Variants in CENPV observed in about 807,000 individuals in gnomAD.
The protein encoded by CENPV is nuclear protein p30.
In CENPV, 15 loss-of-function variants were observed where a neutral mutation model predicts 26.4. That is an observed-to-expected ratio of 0.57 (90% confidence interval 0.38 to 0.88). The LOEUF is 0.88. Ranked by LOEUF, CENPV falls within the 40% of genes least tolerant of loss-of-function variation. The probability of loss-of-function intolerance (pLI) is 0.00; values close to 1 mark genes in which losing one functional copy is unlikely to be tolerated. For synonymous variants in CENPV, 172 were observed against 165.5 expected (o/e 1.04, Z -0.30); for missense variants, 336 against 376.5 (o/e 0.89, Z 0.89).
Position 16,349,951 on chromosome 17 carries a change from G to T in CENPV, c.489C>A (p.Asp163Glu). 6.2e-7 allele frequency: 1 copy of T among 1,613,788 alleles called. No individual in the cohort carries two copies. Among genetic ancestry groups the T allele is most frequent in the Non-Finnish European group, 8.5e-7 (1 of 1,179,926 alleles). Reference protein sequence around the residue: ...AVRFEVWASADLHIFDCNCSI... With the variant: ...AVRFEVWASAELHIFDCNCSI... The stretch of plus-strand genomic sequence containing the variant: ...CTCACTTGCAGTCAAATATATGCAA[G>T]TCTGCTGAGGCCCAAACTTCAAAAC... The change falls in exon 2 of 5, where the codon GAC becomes GAA. Residue 163 changes from aspartate to glutamate, a missense_variant. By Grantham distance (45) the Asp-to-Glu change is conservative. Around this residue, in one of 2 missense-constraint regions of CENPV, gnomAD observed 155 missense variants for 227.8 expected, o/e 0.68. Coordinates refer to ENST00000299736, the MANE Select transcript of CENPV (RefSeq NM_181716.3).
intron 2 of CENPV, 181 bp downstream of exon 2, chr17:16,349,750 G>A (rs1189871857): frequency 2.1e-6 from 3 of 1,404,318 alleles, no homozygotes; most frequent in Admixed American, 3.1e-5. Flanking sequence ...GCTCTGTGAT[G>A]AGCCATATAA....
chr17:16,346,997 T>C (rs932873937), intron 3 of CENPV, among the ~76,000 whole-genome samples: 2 of 151,868 alleles, frequency 1.3e-5, no homozygotes, highest in Non-Finnish European at 2.9e-5. Flanking sequence ...ACTATAGGCA[T>C]GCAACACCAC....
chr17:16,347,215 A>G (rs1044361479), intron 3 of CENPV, among the ~76,000 whole-genome samples: 2 of 152,150 alleles, frequency 1.3e-5, no homozygotes, highest in Non-Finnish European at 2.9e-5. Flanking sequence ...GCTTACCTTT[A>G]GGGAGAGAAA....
rs572992458 is a variant in CENPV at position 16,352,317 on chromosome 17, A to G, written c.410+710T>C. ...CTCTTTCCCAAATCGCGGACACTCGAGATGCTCCTCGGGCCATCTAAAAGA... is the reference window on the plus strand; with the variant it reads ...CTCTTTCCCAAATCGCGGACACTCGGGATGCTCCTCGGGCCATCTAAAAGA... On this transcript the variant is annotated intron_variant, in intron 1 of 4. Transcript: ENST00000299736. 3.3e-5 allele frequency among the ~76,000 whole-genome samples: 5 copies of G among 152,320 alleles called. No homozygotes were observed. In the South Asian group the frequency reaches 1.0e-3, roughly 32 times the overall value.
intron 4 of CENPV, chr17:16,344,317 G>C: frequency 8.9e-6 from 2 of 224,732 alleles, no homozygotes. Flanking sequence ...ACCATCCCCA[G>C]CAACACCAGC....
intron 3 of CENPV, among the ~76,000 whole-genome samples, chr17:16,347,349 C>T (rs921529444): frequency 6.6e-6 from 1 of 152,140 alleles, no homozygotes; most frequent in East Asian, 1.9e-4. Context: ...GCCTTGCTCA[C>T]TCCATAGCCA....
chr17:16,352,006 G>A (rs2093230804), intron 1 of CENPV, among the ~76,000 whole-genome samples: 1 of 152,152 alleles, frequency 6.6e-6, no homozygotes, highest in Non-Finnish European at 1.5e-5. Context: ...AACCAAATAT[G>A]TATCTTCTGT....
In CENPV at chr17:16,342,740, A is replaced by G. The variant is rs1004170937; in HGVS notation, c.*77T>C. On this transcript the variant is annotated 3_prime_UTR_variant, in exon 5 of 5. Transcript: ENST00000299736. ...GCCCAGGTCAGCCACATTCAGGAGCACCACCGAGGCACGGCAGGGAGAGCA... is the reference window on the plus strand; with the variant it reads ...GCCCAGGTCAGCCACATTCAGGAGCGCCACCGAGGCACGGCAGGGAGAGCA... 3 of 1,577,974 alleles carry G rather than the reference A, an allele frequency of 1.9e-6. No homozygotes were observed. The African/African-American group carries it at 4.0e-5, about 21-fold the overall frequency.
Position 16,353,209 on chromosome 17 carries a change from C to T in CENPV, c.228G>A (p.Gly76=), listed in dbSNP as rs896301132. ...ACGCCAGCTCAGGCGGCGGCGGCTC[C>T]CCCGGGCCCTCCTCCTGGGCCCGCG... is the stretch of plus-strand genomic sequence containing the variant. ...SSPRAQEEGP[G]EPPPPELALL... The change falls in exon 1 of 5, where the codon GGG becomes GGA. Residue 76 remains glycine, a synonymous_variant. Coordinates refer to ENST00000299736, the MANE Select transcript of CENPV (RefSeq NM_181716.3). 8.0e-6 allele frequency: 11 copies of T among 1,375,060 alleles called. No individual in the cohort carries two copies. Among genetic ancestry groups the T allele is most frequent in the Non-Finnish European group, 1.0e-5 (11 of 1,071,226 alleles). 85.2% of individuals were successfully genotyped at this position (1,375,060 alleles called of 1,614,324 possible). A position where few individuals can be genotyped will look rare whatever the true frequency, so the allele number is the denominator to read the frequency against.
At chr17:16,346,996 A>G (rs2093209732) in intron 3 of CENPV, among the ~76,000 whole-genome samples, 1 of 151,816 alleles carries the variant, frequency 6.6e-6, no homozygotes, top group African/African-American at 2.4e-5. Flanking sequence ...GACTATAGGC[A>G]TGCAACACCA....
At chr17:16,348,228 C>T (rs1019861194) in intron 3 of CENPV, 6 of 156,556 alleles carry the variant, frequency 3.8e-5, no homozygotes, top group Non-Finnish European at 8.4e-5. Flanking sequence ...GTGATCTCGG[C>T]TCACTGCAAC....
chr17:16,347,836 G>A (rs2093213805), intron 3 of CENPV, among the ~76,000 whole-genome samples: 1 of 151,972 alleles, frequency 6.6e-6, no homozygotes, highest in South Asian at 2.1e-4. Flanking sequence ...TTTGTACCAA[G>A]TACAAAAAAT....
intron 1 of CENPV, among the ~76,000 whole-genome samples, 181 bp downstream of exon 1, chr17:16,352,846 C>T (rs866361849): frequency 6.6e-6 from 1 of 152,138 alleles, no homozygotes; most frequent in Non-Finnish European, 1.5e-5. Context: ...ACCGCCCCGC[C>T]CCGCCGCCCT....
intron 3 of CENPV, chr17:16,347,765 T>C (rs1245956500): frequency 2.0e-5 from 3 of 152,282 alleles, no homozygotes; most frequent in East Asian, 3.9e-4. Context: ...GACTGGGGCA[T>C]GGGGACAGTA....
In CENPV at chr17:16,344,594, C is replaced by T. The variant is rs2093197035; in HGVS notation, c.694+3G>A. On this transcript the variant is annotated splice_donor_region_variant and intron_variant, in intron 4 of 4. Transcript: ENST00000299736. ...GAGCTTGCAGTCCATCCCCTTTACT[C>T]ACCGAAGCCTCCGGGGTTTGATCGT... 1 of 1,558,588 alleles carries T rather than the reference C, an allele frequency of 6.4e-7. No individual in the cohort carries two copies. The highest frequency in any genetic ancestry group is 1.4e-5 in the African/African-American group (1 of 71,714).
In CENPV at chr17:16,342,698, A is replaced by C. The variant is rs1490340788; in HGVS notation, c.*119T>G. 5 of 1,163,574 alleles carry C rather than the reference A, an allele frequency of 4.3e-6. No individual in the cohort carries two copies. The East Asian group carries it at 9.4e-5, about 22-fold the overall frequency. 72.1% of individuals were successfully genotyped at this position (1,163,574 alleles called of 1,614,324 possible). A position where few individuals can be genotyped will look rare whatever the true frequency, so the allele number is the denominator to read the frequency against. Reference sequence around the variant, plus strand: ...AAACTGCAGAGATCAAGATGACCCTAGTCAACGGAACCAGCAGCCCAGGTC... The same window carrying C: ...AAACTGCAGAGATCAAGATGACCCTCGTCAACGGAACCAGCAGCCCAGGTC... On this transcript the variant is annotated 3_prime_UTR_variant, in exon 5 of 5. Coordinates refer to ENST00000299736, the MANE Select transcript of CENPV (RefSeq NM_181716.3).
At chr17:16,349,767 C>G in intron 2 of CENPV, 164 bp downstream of exon 2, 1 of 1,427,718 alleles carries the variant, frequency 7.0e-7, no homozygotes, top group Non-Finnish European at 9.2e-7. Context: ...ATAAAAGGAA[C>G]AAAAATAGAA....
At chr17:16,349,233 T>C (rs1451627497) in intron 2 of CENPV, 1 of 987,844 alleles carries the variant, frequency 1.0e-6, no homozygotes, top group Admixed American at 5.9e-5. Context: ...TATTCCACAG[T>C]GCTTCTTTTC....
At chr17:16,344,038 C>A (rs1164711504) in intron 4 of CENPV, among the ~76,000 whole-genome samples, 1 of 152,048 alleles carries the variant, frequency 6.6e-6, no homozygotes, top group South Asian at 2.1e-4. Flanking sequence ...AACAGAGATA[C>A]GGTTTTGCTA....
Sources: gnomAD v4.1 joint callset for allele counts (sites outside exome capture counted in the v4.1 genomes callset) on GRCh38, gnomAD v4.1.1 for gene constraint, gnomAD v4.1.1 regional missense constraint, MANE v1.5 for transcripts, NCBI Gene and HGNC (gene_info 2026-07-23, HGNC 2026-07-21) for gene names.